The following POLB variants were observed in gnomAD, a reference collection of about 807,000 sequenced individuals.
The protein encoded by POLB is 5'-dRP lyase.
In POLB, 37 loss-of-function variants were observed where a neutral mutation model predicts 52.7. That is an observed-to-expected ratio of 0.70 (90% CI 0.54 to 0.92). The LOEUF is 0.92. Ranked by LOEUF, POLB falls within the 40% of genes least tolerant of loss-of-function variation. The pLI, the probability that POLB is intolerant of heterozygous loss-of-function variation, is 0.00. For synonymous variants in POLB, 138 were observed against 131.3 expected, an observed-to-expected ratio of 1.05 and a Z score of -0.35; for missense variants, 313 against 400.8, an observed-to-expected ratio of 0.78 and a Z score of 1.87.
intron 11 of POLB, among the ~76,000 whole-genome samples, chr8:42,364,765 A>G (rs1478253164): frequency 6.6e-6 from 1 of 152,210 alleles, no homozygotes; most frequent in African/African-American, 2.4e-5. Flanking sequence ...TTCAGAAAGT[A>G]GAGTGGTGTT....
intron 6 of POLB, among the ~76,000 whole-genome samples, chr8:42,353,393 C>A (rs993868884): frequency 2.0e-5 from 3 of 151,812 alleles, no homozygotes; most frequent in Non-Finnish European, 4.4e-5. Context: ...CAGGCGTGAG[C>A]CACCGCGCCT....
chr8:42,341,675 C>A, intron 2 of POLB: 1 of 254,728 alleles, frequency 3.9e-6, no homozygotes, highest in Non-Finnish European at 7.6e-6. Context: ...CAGGTCACCG[C>A]TTTATGCTGA....
chr8:42,363,518 ACT>A (rs758330999), intron 11 of POLB, among the ~76,000 whole-genome samples: 5 of 126,926 alleles, frequency 3.9e-5, no homozygotes, highest in African/African-American at 1.3e-4. Flanking sequence ...ACAGACCGAG[ACT>A]CTGTCTCAAA....
chr8:42,355,654 A>G (rs906993847), intron 7 of POLB, 87 bp downstream of exon 7: 2 of 748,332 alleles, frequency 2.7e-6, no homozygotes, highest in South Asian at 3.1e-5. Context: ...GGACTCTTCA[A>G]ACTTAGCTAA....
At chr8:42,349,262 T>C (rs1822818888) in intron 4 of POLB, 172 bp downstream of exon 4, 1 of 510,490 alleles carries the variant, frequency 2.0e-6, no homozygotes, top group South Asian at 3.0e-5. Flanking sequence ...AAATGTTCAC[T>C]TGTTTTATGT....
At chr8:42,352,657 A>G (rs1017941645) in intron 6 of POLB, 89 bp downstream of exon 6, 4 of 792,030 alleles carry the variant, frequency 5.1e-6, no homozygotes, top group Non-Finnish European at 9.0e-6. Context: ...TGAAAAACCC[A>G]TTCTCAATCA....
At chr8:42,352,653 A>G in intron 6 of POLB, 85 bp downstream of exon 6, 1 of 810,774 alleles carries the variant, frequency 1.2e-6, no homozygotes, top group Non-Finnish European at 2.2e-6. Flanking sequence ...AACTTGAAAA[A>G]CCCATTCTCA....
intron 10 of POLB, 34 bp downstream of exon 10, chr8:42,361,399 C>T: frequency 7.5e-7 from 1 of 1,338,662 alleles, no homozygotes. Context: ...GGTGATCAGT[C>T]TTACACAACA....
At chr8:42,362,978 G>A (rs973641445) in intron 11 of POLB, among the ~76,000 whole-genome samples, 1 of 152,074 alleles carries the variant, frequency 6.6e-6, no homozygotes, top group Non-Finnish European at 1.5e-5. Context: ...CACAAAATTG[G>A]CCGGGCGTGG....
chr8:42,352,619 AC>A, intron 6 of POLB, 51 bp downstream of exon 6: 1 of 1,058,564 alleles, frequency 9.4e-7, no homozygotes, highest in Non-Finnish European at 1.5e-6. Context: ...GTCCTGAAGG[AC>A]CATTAGTGCT....
intron 3 of POLB, among the ~76,000 whole-genome samples, chr8:42,348,796 GAT>G (rs1822788056): frequency 6.6e-6 from 1 of 152,190 alleles, no homozygotes; most frequent in Non-Finnish European, 1.5e-5. Flanking sequence ...TTTTAAATAA[GAT>G]ATAATTATTT....
chr8:42,358,996 A>C lies in POLB; in HGVS notation c.550+1604A>C, dbSNP rs1055005912. ...AAGCACAGCAAGCCAAATGCATGCT[A>C]TGTTGGCTATGACAGCCTTCCTGGA... is the stretch of plus-strand genomic sequence containing the variant. On this transcript the variant is annotated intron_variant, in intron 9 of 13. Transcript: ENST00000265421. 3.3e-5 allele frequency among the ~76,000 whole-genome samples: 5 copies of C among 152,202 alleles called. No individual in the cohort carries two copies. The East Asian group carries it at 7.7e-4, about 23-fold the overall frequency.
chr8:42,338,650 A>C lies in POLB; in HGVS notation c.26A>C (p.Glu9Ala). Residue 9 changes from glutamate (E) to alanine (A), a missense_variant, in exon 1 of 14, where the codon GAG (glutamate) becomes GCG (alanine). Transcript: ENST00000265421. MSKRKAPQ[E>A]TLNGGITDML... ...ATGAGCAAACGGAAGGCGCCGCAGG[A>C]GACTCTCAACGGGGGAATCACCGAC... The C allele has an allele frequency of 6.2e-7, 1 of 1,614,142 alleles. No homozygotes were observed. The highest frequency in any genetic ancestry group is 8.5e-7 in the Non-Finnish European group (1 of 1,180,006).
chr8:42,360,252 C>T (rs112417605), intron 9 of POLB, among the ~76,000 whole-genome samples: 5,077 of 152,152 alleles, frequency 0.033, 97 homozygotes, highest in Non-Finnish European at 0.039. Context: ...CCACCTTGCC[C>T]GGCCTGGCCT....
chr8:42,347,033 C>T (rs538183189), intron 3 of POLB, among the ~76,000 whole-genome samples: 1 of 152,182 alleles, frequency 6.6e-6, no homozygotes, highest in South Asian at 2.1e-4. Flanking sequence ...ACAGTACTTC[C>T]TTTTTTATGT....
chr8:42,347,122 G>C (rs1822666301), intron 3 of POLB, among the ~76,000 whole-genome samples: 1 of 151,888 alleles, frequency 6.6e-6, no homozygotes, highest in Non-Finnish European at 1.5e-5. Flanking sequence ...TGCGCTTATG[G>C]TATATTCCTA....
chr8:42,365,772 C>T (rs1563407846), intron 11 of POLB, among the ~76,000 whole-genome samples: 2 of 152,032 alleles, frequency 1.3e-5, no homozygotes, highest in South Asian at 4.1e-4. Flanking sequence ...GAGGAAAAAC[C>T]AACAGAAGCT....
At position 42,357,332 on chromosome 8, in the gene POLB, A is replaced by C; in HGVS notation, c.490A>C (p.Asn164His). The C allele has an allele frequency of 6.4e-7, 1 of 1,564,650 alleles. No individual in the cohort carries two copies. The highest frequency in any genetic ancestry group is 8.8e-7 in the Non-Finnish European group (1 of 1,135,420). The change falls in exon 9 of 14, where the codon AAT (asparagine) becomes CAT (histidine). Residue 164 changes from asparagine (N) to histidine (H), a missense_variant. This residue lies in a region of POLB where 246 missense variants were observed against 297.6 expected (regional missense o/e 0.83). Coordinates refer to ENST00000265421, the MANE Select transcript of POLB (RefSeq NM_002690.3). ...TTTCTTCTATTAGGATATTGTACTAAATGAAGTTAAAAAAGTGGATTCTGA... is the reference window on the plus strand; with the variant it reads ...TTTCTTCTATTAGGATATTGTACTACATGAAGTTAAAAAAGTGGATTCTGA... ...EMLQMQDIVL[N>H]EVKKVDSEYI...
At chr8:42,362,352 G>A (rs974823262) in intron 10 of POLB, among the ~76,000 whole-genome samples, 10 of 151,432 alleles carry the variant, frequency 6.6e-5, no homozygotes, top group Non-Finnish European at 1.0e-4. Flanking sequence ...TTTTCTTCCC[G>A]GGCTCGATTC....
Sources: gnomAD v4.1 joint callset for allele counts (sites outside exome capture counted in the v4.1 genomes callset) on GRCh38, gnomAD v4.1.1 for gene constraint, gnomAD v4.1.1 regional missense constraint, MANE v1.5 for transcripts, NCBI Gene and HGNC (gene_info 2026-07-23, HGNC 2026-07-21) for gene names.